The following USP54 variants were observed in gnomAD, a reference collection of about 807,000 sequenced individuals.
The protein encoded by USP54 is ubiquitin carboxyl-terminal hydrolase 54.
A neutral mutation model predicts 170.5 loss-of-function variants in USP54; 87 were observed. That is an observed-to-expected ratio of 0.51 (90% CI 0.43 to 0.61). The LOEUF (loss-of-function observed/expected upper bound fraction) is 0.61, where lower values mean the gene tolerates loss of function less well. USP54 is among the 20% of genes least tolerant of loss of function. The pLI is 0.00. For synonymous variants in USP54, 655 were observed against 742.8 expected, an observed-to-expected ratio of 0.88 and a Z score of 1.92; for missense variants, 1,786 against 2,047.8, an observed-to-expected ratio of 0.87 and a Z score of 2.47.
chr10:73,530,079 G>C, intron 14 of USP54, 64 bp downstream of exon 14: 6 of 1,532,718 alleles, frequency 3.9e-6, no homozygotes, highest in South Asian at 2.6e-5. Flanking sequence ...AAAAAACCCA[G>C]GTTTTAAAAA....
intron 20 of USP54, among the ~76,000 whole-genome samples, chr10:73,515,657 A>G (rs2060939840): frequency 6.6e-6 from 1 of 152,162 alleles, no homozygotes; most frequent in Non-Finnish European, 1.5e-5. Context: ...TGGACATCCT[A>G]CTGCAAAGCA....
chr10:73,543,666 C>T (rs989713302), intron 5 of USP54, among the ~76,000 whole-genome samples: 1 of 151,944 alleles, frequency 6.6e-6, no homozygotes, highest in African/African-American at 2.4e-5. Flanking sequence ...GCACCCGGCA[C>T]AACTTTGATA....
At chr10:73,622,685 G>A (rs1246967771) in intron 1 of USP54, among the ~76,000 whole-genome samples, 1 of 152,112 alleles carries the variant, frequency 6.6e-6, no homozygotes. Context: ...CAGCGAGGTG[G>A]CTCACGCCTA....
chr10:73,574,923 A>G (rs2075883428), intron 3 of USP54, among the ~76,000 whole-genome samples: 1 of 151,808 alleles, frequency 6.6e-6, no homozygotes, highest in Non-Finnish European at 1.5e-5. Context: ...TTCAGGAAAA[A>G]AAGTTGATAA....
At chr10:73,513,624 CTG>C (rs2060572339) in intron 20 of USP54, 1 of 152,074 alleles carries the variant, frequency 6.6e-6, no homozygotes, top group Non-Finnish European at 1.5e-5. Flanking sequence ...TGATACTAAA[CTG>C]TATACATATA....
At position 73,537,479 on chromosome 10, in the gene USP54, A is replaced by G. The variant is rs537411358; in HGVS notation, c.976-1042T>C. Among the ~76,000 whole-genome samples the G allele has an allele frequency of 1.1e-4, 16 of 152,294 alleles. 1 individual carries two copies. In the South Asian group the frequency reaches 3.3e-3, roughly 32 times the overall value. On this transcript the variant is annotated intron_variant, in intron 10 of 23. Transcript: ENST00000687698. ...CAGCTTCCTAACTCATGCAGATCAC[A>G]TAAGCCACTTCAACCACAAACTCTG...
intron 1 of USP54, chr10:73,614,970 G>T (rs1239173302): frequency 1.3e-5 from 2 of 150,128 alleles, no homozygotes; most frequent in Non-Finnish European, 2.9e-5. Context: ...TAAAATACAG[G>T]GATACACAGA....
chr10:73,611,746 G>A (rs1006602314), intron 1 of USP54: 1 of 151,952 alleles, frequency 6.6e-6, no homozygotes, highest in African/African-American at 2.4e-5. Context: ...GCAGTGAGTA[G>A]AGATCACGCC....
At position 73,617,592 on chromosome 10, in the gene USP54, G is replaced by A. The variant is rs192252366; in HGVS notation, c.-18+7975C>T. ...TACGTGTAATCCCAGCACTTTGGAG[G>A]GCTGAGGTGGAAAAATTCCTTGAGT... On this transcript the variant is annotated intron_variant, in intron 1 of 22. Transcript: ENST00000339859. Among the ~76,000 whole-genome samples, 171 of 150,462 alleles carry A rather than the reference G, an allele frequency of 1.1e-3. 3 individuals are homozygous for A. Among genetic ancestry groups the A allele is most frequent in the Non-Finnish European group, 1.8e-3 (125 of 68,024 alleles).
intron 20 of USP54, among the ~76,000 whole-genome samples, chr10:73,511,345 T>G (rs984317871): frequency 2.0e-5 from 3 of 152,144 alleles, no homozygotes; most frequent in Non-Finnish European, 2.9e-5. Flanking sequence ...AAGCATTTTT[T>G]TTTTTTTAGC....
intron 1 of USP54, among the ~76,000 whole-genome samples, chr10:73,580,512 T>G (rs1017389043): frequency 6.6e-6 from 1 of 152,132 alleles, no homozygotes; most frequent in Admixed American, 6.6e-5. Context: ...AACTTTTCTA[T>G]GTTTAGATAT....
intron 16 of USP54, among the ~76,000 whole-genome samples, chr10:73,524,989 C>T (rs2062602429): frequency 1.3e-5 from 2 of 152,116 alleles, no homozygotes. Context: ...GTAAAATGTC[C>T]ACAGCAGTAT....
In USP54 at chr10:73,517,709, T is replaced by G; in HGVS notation, c.2717A>C (p.Glu906Ala). The change falls in exon 20 of 24, where the codon GAG (glutamate) becomes GCG (alanine). Residue 906 changes from glutamate (E) to alanine (A), a missense_variant. This residue lies in a region of USP54 where 1,418 missense variants were observed against 1,569.0 expected (regional missense o/e 0.90). Transcript: ENST00000687698. The part of the protein sequence containing the change: ...PIPLQVLLSQ[E>A]AQLESGMDTE... The stretch of plus-strand genomic sequence containing the variant: ...ATCCATGCCGGATTCCAGTTGGGCC[T>G]CTTGGCTTAACAATACTTGGAGCGG... The G allele has an allele frequency of 6.2e-7, 1 of 1,614,090 alleles. No homozygotes were observed. Among genetic ancestry groups the G allele is most frequent in the Non-Finnish European group, 8.5e-7 (1 of 1,179,996 alleles).
At position 73,571,518 on chromosome 10, in the gene USP54, T is replaced by C. The variant is rs1190469919; in HGVS notation, c.148-5A>G. 1.9e-6 allele frequency: 3 copies of C among 1,610,982 alleles called. No individual in the cohort carries two copies. The highest frequency in any genetic ancestry group is 2.5e-6 in the Non-Finnish European group (3 of 1,177,794). On this transcript the variant is annotated splice_region_variant and splice_polypyrimidine_tract_variant and intron_variant, in intron 3 of 23. Transcript: ENST00000687698. ...GATATCCAAGTGCCACAAAACCTGA[T>C]GAGAAAAGGAAAATATTTCATTACT...
chr10:73,519,724 G>C, intron 19 of USP54, 73 bp downstream of exon 19: 1 of 1,594,212 alleles, frequency 6.3e-7, no homozygotes, highest in East Asian at 2.3e-5. Flanking sequence ...GACAATGAGA[G>C]CTCTTGCTAC....
intron 4 of USP54, chr10:73,553,286 T>C (rs2070042451): frequency 6.6e-6 from 1 of 152,222 alleles, no homozygotes; most frequent in Non-Finnish European, 1.5e-5. Context: ...TCTGACTACA[T>C]CTTCTTTATT....
chr10:73,579,002 G>T (rs1478867296), intron 1 of USP54, among the ~76,000 whole-genome samples: 1 of 147,400 alleles, frequency 6.8e-6, no homozygotes, highest in Admixed American at 6.8e-5. Context: ...GTGTAGTGGC[G>T]TGGTCTCAGC....
At chr10:73,515,513 A>T (rs112502240) in intron 20 of USP54, among the ~76,000 whole-genome samples, 2 of 152,278 alleles carry the variant, frequency 1.3e-5, no homozygotes, top group South Asian at 4.1e-4. Context: ...GTATTATCTC[A>T]GTCAGTGGCT....
chr10:73,532,448 T>G (rs2064211174), intron 12 of USP54, among the ~76,000 whole-genome samples: 1 of 152,188 alleles, frequency 6.6e-6, no homozygotes, highest in Non-Finnish European at 1.5e-5. Flanking sequence ...GTGCTGGGAT[T>G]ACAGGCGTGA....
Sources: allele counts gnomAD v4.1 joint callset (sites outside exome capture counted in the v4.1 genomes callset), GRCh38; gene constraint gnomAD v4.1.1; regional missense constraint gnomAD v4.1.1; transcripts MANE v1.5; gene names NCBI Gene and HGNC (gene_info 2026-07-23, HGNC 2026-07-21).